The following LRP1B variants were observed in gnomAD, a reference collection of about 807,000 sequenced individuals.
LRP1B encodes the protein LDL receptor related protein 1B.
Under a neutral mutation model 556.6 loss-of-function variants are expected in LRP1B, and 217 were observed. The ratio of observed to expected loss-of-function variants is 0.39; its 90% CI spans 0.35 to 0.44. The LOEUF is 0.44. Among genes scored for constraint, LRP1B ranks in the 20% least tolerant of loss-of-function variants. The pLI is 1.00. For missense variants in LRP1B, 5,053 were observed against 5,620.8 expected (o/e 0.90, Z 3.23); for synonymous variants, 2,047 against 1,865.8 (o/e 1.10, Z -2.50).
chr2:141,893,408 T>C lies in LRP1B; in HGVS notation c.83-83007A>G, dbSNP rs527294905. Among the ~76,000 whole-genome samples, 31 of 152,248 alleles carry C rather than the reference T, an allele frequency of 2.0e-4. No homozygotes were observed. The East Asian group carries it at 2.3e-3, about 11-fold the overall frequency. ...TAGAGCCGGAGTTTTACCATGTTGG[T>C]CAGGCAGGTCTTGAACCCCTGACCT... On this transcript the variant is annotated intron_variant, in intron 1 of 90. Coordinates refer to ENST00000389484, the MANE Select transcript of LRP1B (RefSeq NM_018557.3).
chr2:140,770,808 C>A (rs2104938392), intron 34 of LRP1B, 73 bp downstream of exon 34: 2 of 1,302,448 alleles, frequency 1.5e-6, no homozygotes, highest in South Asian at 3.8e-5. Flanking sequence ...ACTTTGGTTG[C>A]CTAACATCTG....
chr2:140,732,312 A>G (rs1687806293), intron 35 of LRP1B, among the ~76,000 whole-genome samples: 1 of 152,156 alleles, frequency 6.6e-6, no homozygotes, highest in Admixed American at 6.5e-5. Context: ...AAATATATCT[A>G]AAAGTTATGT....
intron 86 of LRP1B, among the ~76,000 whole-genome samples, chr2:140,259,598 C>T (rs1045052409): frequency 2.0e-5 from 3 of 152,086 alleles, no homozygotes; most frequent in East Asian, 1.9e-4. Context: ...CTGCCGTACT[C>T]CATAATACAA....
rs558862101 is a variant in LRP1B at position 141,795,117 on chromosome 2, C to A, written c.205+15162G>T. Among the ~76,000 whole-genome samples, 4 of 152,098 alleles carry A rather than the reference C, an allele frequency of 2.6e-5. No individual in the cohort carries two copies. The South Asian group carries it at 8.3e-4, about 32-fold the overall frequency. On this transcript the variant is annotated intron_variant, in intron 2 of 90. Coordinates refer to ENST00000389484, the MANE Select transcript of LRP1B (RefSeq NM_018557.3). ...AAAGCTAATTGATCAACAGTGTTTT[C>A]TTGAGTGTTGTTTATAAGTTTAAAA... is the stretch of plus-strand genomic sequence containing the variant.
intron 2 of LRP1B, among the ~76,000 whole-genome samples, chr2:141,656,404 G>A (rs1295668104): frequency 6.6e-6 from 1 of 152,000 alleles, no homozygotes; most frequent in African/African-American, 2.4e-5. Context: ...TAAAAGTATT[G>A]TAAAAAATCA....
intron 1 of LRP1B, among the ~76,000 whole-genome samples, chr2:142,038,993 T>G (rs1452425041): frequency 6.6e-6 from 1 of 151,560 alleles, no homozygotes; most frequent in Non-Finnish European, 1.5e-5. Flanking sequence ...TTGCTCATGT[T>G]TTCCTTGCTC....
chr2:141,912,356 G>A (rs769945982), intron 1 of LRP1B, among the ~76,000 whole-genome samples: 15 of 152,016 alleles, frequency 9.9e-5, no homozygotes, highest in Non-Finnish European at 2.1e-4. Flanking sequence ...TATATATTTG[G>A]TCAGTATTCT....
intron 2 of LRP1B, among the ~76,000 whole-genome samples, chr2:141,546,929 T>C (rs1012278350): frequency 3.3e-5 from 5 of 152,168 alleles, no homozygotes; most frequent in African/African-American, 7.2e-5. Context: ...TTATTTCATA[T>C]TGGGTTGTAG....
chr2:140,646,224 A>G (rs1163338103), intron 41 of LRP1B, among the ~76,000 whole-genome samples: 1 of 152,196 alleles, frequency 6.6e-6, no homozygotes, highest in African/African-American at 2.4e-5. Context: ...CTCACAGGAC[A>G]GGGATTTAAG....
chr2:141,684,134 C>G (rs1419099854), intron 2 of LRP1B, among the ~76,000 whole-genome samples: 5 of 152,022 alleles, frequency 3.3e-5, no homozygotes, highest in Non-Finnish European at 7.4e-5. Flanking sequence ...AATCATTCTA[C>G]TATAAAGACA....
intron 7 of LRP1B, among the ~76,000 whole-genome samples, chr2:141,145,924 T>C (rs1335945694): frequency 1.1e-4 from 3 of 26,830 alleles, no homozygotes; most frequent in Non-Finnish European, 3.7e-4. Flanking sequence ...CTTTCTTTCT[T>C]TTTTTTTTTT....
At chr2:141,602,970 G>A (rs1358381966) in intron 2 of LRP1B, among the ~76,000 whole-genome samples, 3 of 152,060 alleles carry the variant, frequency 2.0e-5, no homozygotes, top group Non-Finnish European at 4.4e-5. Flanking sequence ...TGATTTTAAC[G>A]TATTTTAAAA....
intron 1 of LRP1B, among the ~76,000 whole-genome samples, chr2:141,931,643 TA>T (rs928205511): frequency 1.1e-4 from 17 of 152,164 alleles, no homozygotes; most frequent in Admixed American, 8.5e-4. Context: ...ATTGAGGGTT[TA>T]AAAAATTTTT....
At chr2:141,269,407 G>A (rs2105365886) in intron 3 of LRP1B, among the ~76,000 whole-genome samples, 1 of 152,164 alleles carries the variant, frequency 6.6e-6, no homozygotes, top group Non-Finnish European at 1.5e-5. Flanking sequence ...TAAACTAATA[G>A]AACAATCAGC....
rs2105293893 is a variant in LRP1B at position 141,229,317 on chromosome 2, T to C, written c.716A>G (p.Asp239Gly). Residue 239 changes from aspartate to glycine, a missense_variant, in exon 6 of 91, where the codon GAT becomes GGT. Asp to Gly is a moderately conservative substitution (Grantham distance 94). This residue lies in a region of LRP1B where 3,619 missense variants were observed against 3,931.9 expected (regional missense o/e 0.92). Coordinates refer to ENST00000389484, the MANE Select transcript of LRP1B (RefSeq NM_018557.3). The part of the protein sequence containing the change: ...SVNGNEIHTL[D>G]FIYNEDMICW... ...AATCATATCTTCATTATAAATAAAA[T>C]CCAGAGTATGAATTTCATTTCCATT... 1.2e-6 allele frequency: 2 copies of C among 1,612,952 alleles called. No homozygotes were observed. The highest frequency in any genetic ancestry group is 1.3e-5 in the African/African-American group (1 of 75,018).
intron 11 of LRP1B, among the ~76,000 whole-genome samples, chr2:141,045,866 C>T (rs1259786107): frequency 1.3e-5 from 2 of 152,004 alleles, no homozygotes; most frequent in African/African-American, 2.4e-5. Flanking sequence ...TGAAAAAATA[C>T]ACATAGTAAA....
At chr2:140,947,033 G>A (rs1695568555) in intron 20 of LRP1B, among the ~76,000 whole-genome samples, 1 of 152,150 alleles carries the variant, frequency 6.6e-6, no homozygotes, top group African/African-American at 2.4e-5. Flanking sequence ...GAAGGAATGT[G>A]AGCAAGGGCT....
chr2:141,275,871 C>T (rs1330052269), intron 3 of LRP1B, among the ~76,000 whole-genome samples: 1 of 151,874 alleles, frequency 6.6e-6, no homozygotes, highest in African/African-American at 2.4e-5. Context: ...GTATGTTAAG[C>T]TTTACAGAAC....
chr2:141,329,817 T>C (rs1687575204), intron 3 of LRP1B, among the ~76,000 whole-genome samples: 2 of 152,290 alleles, frequency 1.3e-5, no homozygotes, highest in Admixed American at 6.5e-5. Context: ...TTGTTTAAAG[T>C]ATTTTATTAG....
Sources: gnomAD v4.1 joint callset for allele counts (sites outside exome capture counted in the v4.1 genomes callset) on GRCh38, gnomAD v4.1.1 for gene constraint, gnomAD v4.1.1 regional missense constraint, MANE v1.5 for transcripts, NCBI Gene and HGNC (gene_info 2026-07-23, HGNC 2026-07-21) for gene names.